STRN: variants seen among roughly 807,000 people sequenced by gnomAD.
STRN encodes protein phosphatase 2 regulatory subunit B'''alpha.
In STRN, 53 loss-of-function variants were observed where a neutral mutation model predicts 96.3. The ratio of observed to expected loss-of-function variants is 0.55; its 90% confidence interval spans 0.44 to 0.69. STRN has a LOEUF of 0.69. Among genes scored for constraint, STRN ranks in the 30% least tolerant of loss-of-function variants. STRN has a pLI of 0.00. For missense variants in STRN, 987 were observed against 963.9 expected (o/e 1.02, Z -0.32); for synonymous variants, 428 against 355.9 (o/e 1.20, Z -2.28).
At chr2:36,885,576 CATT>C (rs1401519202) in intron 8 of STRN, among the ~76,000 whole-genome samples, 2 of 152,136 alleles carry the variant, frequency 1.3e-5, no homozygotes, top group Non-Finnish European at 2.9e-5. Flanking sequence ...CATCATCTCT[CATT>C]ATGTAATGGT....
intron 6 of STRN, among the ~76,000 whole-genome samples, chr2:36,898,237 C>A (rs1415060822): frequency 6.6e-6 from 1 of 152,106 alleles, no homozygotes; most frequent in African/African-American, 2.4e-5. Flanking sequence ...TATCTCAATG[C>A]CAGCATCCCA....
chr2:36,943,112 C>A (rs951746656), intron 1 of STRN, among the ~76,000 whole-genome samples: 2 of 152,048 alleles, frequency 1.3e-5, no homozygotes, highest in Admixed American at 1.3e-4. Context: ...CCCAAATGCT[C>A]AAAAAGAGAG....
At chr2:36,888,670 T>C (rs1467601794) in intron 7 of STRN, among the ~76,000 whole-genome samples, 8 of 149,170 alleles carry the variant, frequency 5.4e-5, no homozygotes, top group South Asian at 2.2e-4. Flanking sequence ...TGTGTGTGTG[T>C]GCATTTATTT....
intron 1 of STRN, among the ~76,000 whole-genome samples, chr2:36,953,397 A>C (rs1266410513): frequency 6.7e-6 from 1 of 148,704 alleles, no homozygotes; most frequent in Non-Finnish European, 1.5e-5. Flanking sequence ...TATACAGATA[A>C]GGTCCTTTTT....
intron 1 of STRN, among the ~76,000 whole-genome samples, chr2:36,926,079 G>A (rs1670401407): frequency 6.6e-6 from 1 of 152,086 alleles, no homozygotes; most frequent in African/African-American, 2.4e-5. Context: ...AGTGAAAGTT[G>A]GGAAAAGGAA....
intron 1 of STRN, among the ~76,000 whole-genome samples, chr2:36,927,237 T>G (rs1278470424): frequency 6.6e-6 from 1 of 152,144 alleles, no homozygotes; most frequent in Non-Finnish European, 1.5e-5. Context: ...CTGGGCACAG[T>G]GGCTCAGCCC....
chr2:36,838,638 G>A lies in STRN; in HGVS notation c.*10818C>T, dbSNP rs1000397315. ...TACTGATGGAAATAAAAACTGTTCCGGCCACTTTGGGAAACAATCTGTCAA... is the reference window on the plus strand; with the variant it reads ...TACTGATGGAAATAAAAACTGTTCCAGCCACTTTGGGAAACAATCTGTCAA... On this transcript the variant is annotated 3_prime_UTR_variant, in exon 18 of 18. Transcript: ENST00000263918. Among the ~76,000 whole-genome samples, 6 of 151,910 alleles carry A rather than the reference G, an allele frequency of 3.9e-5. No homozygotes were observed. The highest frequency in any genetic ancestry group is 1.2e-4 in the African/African-American group (5 of 41,402).
intron 1 of STRN, among the ~76,000 whole-genome samples, chr2:36,928,964 A>C (rs1392830822): frequency 6.6e-6 from 1 of 151,764 alleles, no homozygotes; most frequent in Non-Finnish European, 1.5e-5. Flanking sequence ...AAAAAAAAAA[A>C]AGTGACATGA....
intron 1 of STRN, among the ~76,000 whole-genome samples, chr2:36,937,117 G>A (rs1158170307): frequency 6.6e-6 from 1 of 152,150 alleles, no homozygotes; most frequent in East Asian, 1.9e-4. Flanking sequence ...GCCAAGGCGG[G>A]CAGATCACCT....
At chr2:36,919,706 T>C (rs986602492) in intron 2 of STRN, among the ~76,000 whole-genome samples, 36 of 152,236 alleles carry the variant, frequency 2.4e-4, no homozygotes, top group African/African-American at 8.4e-4. Context: ...AATTAAAATA[T>C]GGAAATACTA....
At chr2:36,889,051 C>T (rs973341119) in intron 7 of STRN, among the ~76,000 whole-genome samples, 1 of 152,128 alleles carries the variant, frequency 6.6e-6, no homozygotes, top group Non-Finnish European at 1.5e-5. Flanking sequence ...CTCTATCTCC[C>T]TTACTCTGTA....
chr2:36,857,547 G>A (rs990003987), intron 14 of STRN, among the ~76,000 whole-genome samples: 3 of 151,730 alleles, frequency 2.0e-5, no homozygotes, highest in African/African-American at 7.3e-5. Context: ...GCGTGGTGGT[G>A]TGTGCTGGAG....
intron 1 of STRN, among the ~76,000 whole-genome samples, chr2:36,945,953 T>TA (rs1436012729): frequency 3.9e-5 from 6 of 152,246 alleles, no homozygotes; most frequent in Middle Eastern, 3.4e-3. Context: ...CATGTAACTT[T>TA]AAAATAAACT....
chr2:36,905,706 T>G, intron 3 of STRN, 88 bp from the exon 4 acceptor site: 1 of 1,139,992 alleles, frequency 8.8e-7, no homozygotes, highest in South Asian at 1.3e-5. Context: ...TAAACATTTA[T>G]AAGATTAAGA....
intron 1 of STRN, among the ~76,000 whole-genome samples, chr2:36,939,048 C>T (rs1244531302): frequency 2.0e-5 from 3 of 151,516 alleles, no homozygotes; most frequent in African/African-American, 7.3e-5. Flanking sequence ...TGCAGTGGTG[C>T]GAGCTCGGCT....
At chr2:36,921,088 A>G (rs1448301629) in intron 2 of STRN, among the ~76,000 whole-genome samples, 1 of 149,474 alleles carries the variant, frequency 6.7e-6, no homozygotes, top group Admixed American at 6.7e-5. Flanking sequence ...AAAAAAAAAT[A>G]ATAATAATAT....
chr2:36,934,797 C>T (rs773666355), intron 1 of STRN, among the ~76,000 whole-genome samples: 4 of 152,172 alleles, frequency 2.6e-5, no homozygotes, highest in South Asian at 2.1e-4. Context: ...GTCAATTAGG[C>T]TGGGCACGGT....
intron 1 of STRN, among the ~76,000 whole-genome samples, chr2:36,925,575 A>C (rs1670387687): frequency 6.6e-6 from 1 of 152,018 alleles, no homozygotes; most frequent in African/African-American, 2.4e-5. Context: ...TGAAGAGTTC[A>C]AGACCAGCCT....
rs1286116702 is a variant in STRN at position 36,845,033 on chromosome 2, G to A, written c.*4423C>T. On this transcript the variant is annotated 3_prime_UTR_variant, in exon 18 of 18. Coordinates refer to ENST00000263918, the MANE Select transcript of STRN (RefSeq NM_003162.4). The stretch of plus-strand genomic sequence containing the variant: ...CTAAACAAGTTAACAGTAATGGAGA[G>A]GCAACTTCTGAGTAAATAAAATGAA... The A allele has an allele frequency of 6.6e-6, 1 of 152,016 alleles. No homozygotes were observed. The highest frequency in any genetic ancestry group is 1.5e-5 in the Non-Finnish European group (1 of 67,994). The allele number at this position is 152,016 out of a possible 1,614,324, so 9.4% of individuals were successfully genotyped here. A position where few individuals can be genotyped will look rare whatever the true frequency, so the allele number is the denominator to read the frequency against.
Sources: allele counts gnomAD v4.1 joint callset (sites outside exome capture counted in the v4.1 genomes callset), GRCh38; gene constraint gnomAD v4.1.1; transcripts MANE v1.5; gene names NCBI Gene and HGNC (gene_info 2026-07-23, HGNC 2026-07-21).